The following CAPRIN1 variants were observed in gnomAD, a reference collection of about 807,000 sequenced individuals.
CAPRIN1 encodes the protein caprin-1.
Under a neutral mutation model 100.9 loss-of-function variants are expected in CAPRIN1, and 29 were observed. The observed-to-expected ratio is 0.29, with a 90% CI of 0.21 to 0.39. CAPRIN1 has a LOEUF of 0.39. CAPRIN1 is among the 10% of genes least tolerant of loss of function. The pLI is 1.00. For synonymous variants in CAPRIN1, 338 were observed against 307.5 expected (o/e 1.10, Z -1.04); for missense variants, 795 against 876.7 (o/e 0.91, Z 1.18).
In CAPRIN1 at chr11:34,058,325, C is replaced by T. The variant is rs149686599; in HGVS notation, c.216+5689C>T. ...CTAATTTTTGTATTTTTAGTAGAGA[C>T]GGGGTTTTGCCATGTTGACCAGGCT... On this transcript the variant is annotated intron_variant, in intron 2 of 18. Coordinates refer to ENST00000341394, the MANE Select transcript of CAPRIN1 (RefSeq NM_005898.5). Among the ~76,000 whole-genome samples, 241 of 151,808 alleles carry T rather than the reference C, an allele frequency of 1.6e-3. 1 individual carries two copies. The highest frequency in any genetic ancestry group is 5.3e-3 in the African/African-American group (219 of 41,406).
chr11:34,080,333 ATAGT>A (rs1292049969), intron 7 of CAPRIN1, among the ~76,000 whole-genome samples: 6 of 152,126 alleles, frequency 3.9e-5, no homozygotes, highest in Non-Finnish European at 8.8e-5. Flanking sequence ...AAACTGATAG[ATAGT>A]TCTTTTGCAG....
At chr11:34,067,199 G>A (rs575063629) in intron 2 of CAPRIN1, among the ~76,000 whole-genome samples, 52 of 152,118 alleles carry the variant, frequency 3.4e-4, no homozygotes, top group Non-Finnish European at 6.3e-4. Context: ...CAAAGTGTTG[G>A]GATTACAGGT....
At chr11:34,093,620 A>G (rs1213980791) in intron 15 of CAPRIN1, among the ~76,000 whole-genome samples, 2 of 152,178 alleles carry the variant, frequency 1.3e-5, no homozygotes, top group Non-Finnish European at 2.9e-5. Context: ...ACTAATATGA[A>G]GCTCGAATCT....
intron 15 of CAPRIN1, among the ~76,000 whole-genome samples, chr11:34,093,091 A>C (rs185388435): frequency 1.0e-4 from 15 of 149,756 alleles, no homozygotes; most frequent in Admixed American, 2.0e-4. Flanking sequence ...CTGATCTCCA[A>C]CTCCTTGCCT....
At chr11:34,094,647 AT>A (rs1851332700) in intron 15 of CAPRIN1, among the ~76,000 whole-genome samples, 1 of 151,978 alleles carries the variant, frequency 6.6e-6, no homozygotes, top group African/African-American at 2.4e-5. Flanking sequence ...AAATACAGAA[AT>A]TAGCAGGGTG....
At chr11:34,095,429 A>T (rs1851351911) in intron 15 of CAPRIN1, among the ~76,000 whole-genome samples, 1 of 152,258 alleles carries the variant, frequency 6.6e-6, no homozygotes, top group African/African-American at 2.4e-5. Context: ...TAAGTAATTC[A>T]AGAGGAGCAG....
At chr11:34,090,028 T>C (rs759443342) in intron 12 of CAPRIN1, 151 bp from the exon 13 acceptor site, 3 of 475,830 alleles carry the variant, frequency 6.3e-6, no homozygotes, top group Admixed American at 3.8e-5. Flanking sequence ...TTTTATATTA[T>C]ACAAATTTAA....
At chr11:34,082,186 T>A (rs1851046152) in intron 7 of CAPRIN1, among the ~76,000 whole-genome samples, 1 of 149,318 alleles carries the variant, frequency 6.7e-6, no homozygotes, top group South Asian at 2.1e-4. Flanking sequence ...TTTATTTTTA[T>A]TTTTTATTTT....
Position 34,087,221 on chromosome 11 carries a change from G to A in CAPRIN1, c.1231+808G>A, listed in dbSNP as rs187510280. ...AATAACCTATTTAATGTTGCATGAT[G>A]TTAAATATCATAAAATAAATTGCTG... is the stretch of plus-strand genomic sequence containing the variant. On this transcript the variant is annotated intron_variant, in intron 11 of 18. Transcript: ENST00000341394. Among the ~76,000 whole-genome samples the A allele has an allele frequency of 3.1e-3, 468 of 151,742 alleles. 1 individual carries two copies. Among genetic ancestry groups the A allele is most frequent in the Non-Finnish European group, 5.2e-3 (352 of 67,966 alleles).
Position 34,097,745 on chromosome 11 carries a change from A to G in CAPRIN1, c.2049A>G (p.Pro683=). ...NFKRGSGQSG[P]RGAPRGRGGP... is the part of the protein sequence containing the mutation. ...AGCGAGGCTCTGGGCAGAGTGGACC[A>G]CGGGGAGCCCCACGAGGTAATATTT... is the stretch of plus-strand genomic sequence containing the variant. Residue 683 remains proline (P), a synonymous_variant, in exon 18 of 19, where the codon CCA becomes CCG. Coordinates refer to ENST00000341394, the MANE Select transcript of CAPRIN1 (RefSeq NM_005898.5). 1.2e-6 allele frequency: 2 copies of G among 1,613,956 alleles called. No homozygotes were observed. The highest frequency in any genetic ancestry group is 1.7e-5 in the Admixed American group (1 of 60,022).
In CAPRIN1 at chr11:34,076,451, C is replaced by A; in HGVS notation, c.582C>A (p.Asp194Glu). Reference sequence around the variant, plus strand: ...TGGATGAATTCTATAAGCTAGTAGACCCTGAACGGGACATGAGCTTGAGGT... The same window carrying A: ...TGGATGAATTCTATAAGCTAGTAGAACCTGAACGGGACATGAGCTTGAGGT... ...SLLDEFYKLV[D>E]PERDMSLRLN... The change falls in exon 5 of 19, where the codon GAC becomes GAA. Residue 194 changes from aspartate (D) to glutamate (E), a missense_variant. By Grantham distance (45) the Asp-to-Glu change is conservative (BLOSUM62 2). Around this residue, in one of 3 missense-constraint regions of CAPRIN1, gnomAD observed 648 missense variants for 697.9 expected, o/e 0.93. Transcript: ENST00000341394. 1 of 1,613,820 alleles carries A rather than the reference C, an allele frequency of 6.2e-7. No homozygotes were observed. The highest frequency in any genetic ancestry group is 8.5e-7 in the Non-Finnish European group (1 of 1,179,734).
In CAPRIN1 at chr11:34,082,832, G is replaced by A. The variant is rs1851060567; in HGVS notation, c.834G>A (p.Glu278=). Residue 278 remains glutamate (E), a synonymous_variant, in exon 8 of 19, where the codon GAG becomes GAA. Transcript: ENST00000341394. ...VEDQVPEAEP[E]PAEEYTEQSE... is the part of the protein sequence containing the mutation. ...CATTTTTTAACCTCTTAGAACCTGA[G>A]CCAGCAGAAGAGTACACTGAGCAAA... The A allele has an allele frequency of 1.2e-6, 2 of 1,613,482 alleles. No individual in the cohort carries two copies. The highest frequency in any genetic ancestry group is 1.3e-5 in the African/African-American group (1 of 75,024).
rs1851386257 is a variant in CAPRIN1 at position 34,097,289 on chromosome 11, A to G, written c.1994A>G (p.Tyr665Cys). ...QFSAPRDYSG[Y>C]QRDGYQQNFK... ...AGTGCTCCCCGGGATTACTCTGGCT[A>G]TCAACGGGTAGGTAAAGTAGTTCTA... is the stretch of plus-strand genomic sequence containing the variant. The change falls in exon 17 of 19, where the codon TAT becomes TGT. Residue 665 changes from tyrosine to cysteine, a missense_variant. This residue lies in a region of CAPRIN1 where 648 missense variants were observed against 697.9 expected (regional missense o/e 0.93). Coordinates refer to ENST00000341394, the MANE Select transcript of CAPRIN1 (RefSeq NM_005898.5). The G allele has an allele frequency of 5.0e-6, 8 of 1,607,382 alleles. No homozygotes were observed. The highest frequency in any genetic ancestry group is 1.7e-5 in the Admixed American group (1 of 59,998).
chr11:34,081,231 CTG>C (rs1296253057), intron 7 of CAPRIN1, among the ~76,000 whole-genome samples: 1 of 147,934 alleles, frequency 6.8e-6, no homozygotes, highest in Admixed American at 6.7e-5. Flanking sequence ...GAGACAGTCT[CTG>C]TTTGTCACTC....
At chr11:34,073,667 C>T (rs1850847156) in intron 4 of CAPRIN1, among the ~76,000 whole-genome samples, 1 of 152,268 alleles carries the variant, frequency 6.6e-6, no homozygotes, top group South Asian at 2.1e-4. Flanking sequence ...CTCAGATGAT[C>T]GGCCTGCCTC....
intron 2 of CAPRIN1, 186 bp downstream of exon 2, chr11:34,052,822 C>T (rs1190518611): frequency 1.4e-6 from 2 of 1,450,556 alleles, no homozygotes; most frequent in African/African-American, 2.9e-5. Flanking sequence ...AAAACGGGCT[C>T]TTGGAAGAGG....
At chr11:34,076,725 GAAA>G in intron 6 of CAPRIN1, 83 bp downstream of exon 6, 1 of 850,698 alleles carries the variant, frequency 1.2e-6, no homozygotes, top group Non-Finnish European at 1.8e-6. Flanking sequence ...TCACTTGGAA[GAAA>G]AAAATTAGTT....
At chr11:34,058,109 C>T (rs1277251400) in intron 2 of CAPRIN1, among the ~76,000 whole-genome samples, 1 of 152,012 alleles carries the variant, frequency 6.6e-6, no homozygotes, top group Non-Finnish European at 1.5e-5. Context: ...TATGGAATGA[C>T]TTAGGTTGGA....
At position 34,096,751 on chromosome 11, in the gene CAPRIN1, A is replaced by G. The variant is rs193285608; in HGVS notation, c.1900+78A>G. On this transcript the variant is annotated intron_variant, in intron 16 of 18. Transcript: ENST00000341394. ...TTTTGATTTGTAAAATATATCACAC[A>G]GTTTTTGGGAAGGATGTATCTGCAT... 331 of 1,120,652 alleles carry G rather than the reference A, an allele frequency of 3.0e-4. 4 individuals are homozygous for G. In the African/African-American group the frequency reaches 5.0e-3, roughly 17 times the overall value. 69.4% of individuals were successfully genotyped at this position (1,120,652 alleles called of 1,614,324 possible). A position where few individuals can be genotyped will look rare whatever the true frequency, so the allele number is the denominator to read the frequency against.
Sources: gnomAD v4.1 joint callset for allele counts (sites outside exome capture counted in the v4.1 genomes callset) on GRCh38, gnomAD v4.1.1 for gene constraint, gnomAD v4.1.1 regional missense constraint, MANE v1.5 for transcripts, NCBI Gene and HGNC (gene_info 2026-07-23, HGNC 2026-07-21) for gene names.